Variants in CELSR1 observed in about 807,000 individuals in gnomAD.
CELSR1 encodes the protein adhesion G protein-coupled receptor C1.
A neutral mutation model predicts 249.1 loss-of-function variants in CELSR1; 110 were observed. That is an observed-to-expected ratio of 0.44 (90% CI 0.38 to 0.52). CELSR1 has a LOEUF of 0.52. Among genes scored for constraint, CELSR1 ranks in the 20% least tolerant of loss-of-function variants. The probability of loss-of-function intolerance (pLI) is 0.00; values close to 1 mark genes in which losing one functional copy is unlikely to be tolerated. For missense variants in CELSR1, 4,109 were observed against 4,296.4 expected (o/e 0.96, Z 1.22); for synonymous variants, 2,113 against 1,900.0 (o/e 1.11, Z -2.92).
chr22:46,364,296 C>CG (rs1569100805), intron 33 of CELSR1, 45 bp from the exon 34 acceptor site: 1 of 1,591,716 alleles, frequency 6.3e-7, no homozygotes, highest in African/African-American at 1.4e-5. Context: ...GTGATGCTGC[C>CG]GGGGGCAGCT....
In CELSR1 at chr22:46,391,166, C is replaced by T. The variant is rs747755875; in HGVS notation, c.6250+20G>A. On this transcript the variant is annotated intron_variant, in intron 16 of 34. Coordinates refer to ENST00000674500, the MANE Select transcript of CELSR1 (RefSeq NM_001378328.1). This position sits in a 1 kb window ranked among gnomAD's most constrained non-coding sequence, Gnocchi z 4.3. ...AGGACGCCTGCCTCAGTTCCCTACACACAGGCCACGGCGACTCACCAACGG... is the reference window on the plus strand; with the variant it reads ...AGGACGCCTGCCTCAGTTCCCTACATACAGGCCACGGCGACTCACCAACGG... 4 of 1,602,730 alleles carry T rather than the reference C, an allele frequency of 2.5e-6. No homozygotes were observed. In the South Asian group the frequency reaches 3.3e-5, roughly 13 times the overall value.
In CELSR1 at chr22:46,398,751, G is replaced by A. The variant is rs375866145; in HGVS notation, c.5413-114C>T. The stretch of plus-strand genomic sequence containing the variant: ...AACAGTCACTTCAACAAACTCCGCA[G>A]AGCCTGAGGACATCTGGGCCTCCAA... On this transcript the variant is annotated intron_variant, in intron 10 of 34. Coordinates refer to ENST00000674500, the MANE Select transcript of CELSR1 (RefSeq NM_001378328.1). This position sits in a 1 kb window ranked among gnomAD's most constrained non-coding sequence, Gnocchi z 7.2. 5.3e-5 allele frequency: 40 copies of A among 755,992 alleles called. No individual in the cohort carries two copies. Among genetic ancestry groups the A allele is most frequent in the East Asian group, 2.9e-4 (10 of 34,054 alleles). 46.8% of individuals were successfully genotyped at this position (755,992 alleles called of 1,614,324 possible). A position where few individuals can be genotyped will look rare whatever the true frequency, so the allele number is the denominator to read the frequency against.
chr22:46,520,106 T>G (rs1246900482), intron 1 of CELSR1, among the ~76,000 whole-genome samples: 1 of 152,026 alleles, frequency 6.6e-6, no homozygotes, highest in Non-Finnish European at 1.5e-5. Context: ...ACTCCTGACC[T>G]CAGGTGATCC....
In CELSR1 at chr22:46,490,482, T is replaced by G. The variant is rs1380598709; in HGVS notation, c.3545-26137A>C. ...TTGTATTTTTAGTAGAGACGGGGTT[T>G]CACCATGTTGGTCAGGCTGGTCTCG... On this transcript the variant is annotated intron_variant, in intron 1 of 34. Coordinates refer to ENST00000674500, the MANE Select transcript of CELSR1 (RefSeq NM_001378328.1). The surrounding 1 kb of genome is among the most constrained non-coding windows in gnomAD (Gnocchi z 5.2). Among the ~76,000 whole-genome samples the G allele has an allele frequency of 6.6e-6, 1 of 152,056 alleles. No homozygotes were observed. The highest frequency in any genetic ancestry group is 1.5e-5 in the Non-Finnish European group (1 of 68,010).
chr22:46,471,590 C>T lies in CELSR1; in HGVS notation c.3545-7245G>A, dbSNP rs1207420399. Reference sequence around the variant, plus strand: ...TTCTTGTTTTTTGTAGAGGTGAGGCCGTGCGATGTTGCCCAGGCTGGTCTC... The same window carrying T: ...TTCTTGTTTTTTGTAGAGGTGAGGCTGTGCGATGTTGCCCAGGCTGGTCTC... On this transcript the variant is annotated intron_variant, in intron 1 of 34. Coordinates refer to ENST00000674500, the MANE Select transcript of CELSR1 (RefSeq NM_001378328.1). This position sits in a 1 kb window ranked among gnomAD's most constrained non-coding sequence, Gnocchi z 4.9. Among the ~76,000 whole-genome samples the T allele has an allele frequency of 6.6e-6, 1 of 152,048 alleles. No individual in the cohort carries two copies. Among genetic ancestry groups the T allele is most frequent in the African/African-American group, 2.4e-5 (1 of 41,396 alleles).
chr22:46,460,919 C>G (rs1488441735), intron 2 of CELSR1, among the ~76,000 whole-genome samples: 1 of 152,184 alleles, frequency 6.6e-6, no homozygotes, highest in East Asian at 1.9e-4. Context: ...TTGAGCTTTT[C>G]CTGAAATTAA....
intron 2 of CELSR1, 58 bp downstream of exon 2, chr22:46,463,649 C>T (rs1016213608): frequency 6.9e-7 from 1 of 1,446,308 alleles, no homozygotes; most frequent in Non-Finnish European, 9.1e-7. Context: ...CACCTGAGAC[C>T]CTCGGCCATG....
At position 46,363,361 on chromosome 22, in the gene CELSR1, C is replaced by G; in HGVS notation, c.9036-114G>C. The stretch of plus-strand genomic sequence containing the variant: ...GATCACCCCATCAGGGTAGAGGGGG[C>G]GTCTGGGGGCTCCAGGGAGGGCAAG... On this transcript the variant is annotated intron_variant, in intron 34 of 34. Coordinates refer to ENST00000674500, the MANE Select transcript of CELSR1 (RefSeq NM_001378328.1). This position sits in a 1 kb window ranked among gnomAD's most constrained non-coding sequence, Gnocchi z 4.3. 1.9e-5 allele frequency: 15 copies of G among 797,312 alleles called. No individual in the cohort carries two copies. Among genetic ancestry groups the G allele is most frequent in the South Asian group, 7.6e-5 (4 of 52,334 alleles). The allele number at this position is 797,312 out of a possible 1,614,324, so 49.4% of individuals were successfully genotyped here. A position where few individuals can be genotyped will look rare whatever the true frequency, so the allele number is the denominator to read the frequency against.
intron 5 of CELSR1, among the ~76,000 whole-genome samples, chr22:46,415,240 C>A (rs2079386310): frequency 1.3e-5 from 2 of 152,162 alleles, no homozygotes; most frequent in Admixed American, 1.3e-4. Context: ...ACCTCCGCCT[C>A]CCAGGTTCAA....
In CELSR1 at chr22:46,430,693, A is replaced by G. The variant is rs1000149670; in HGVS notation, c.4611+2700T>C. Among the ~76,000 whole-genome samples the G allele has an allele frequency of 6.6e-6, 1 of 152,126 alleles. No homozygotes were observed. Among genetic ancestry groups the G allele is most frequent in the Admixed American group, 6.6e-5 (1 of 15,266 alleles). ...TTGGAGACAAAGTGGAGGCCCAGAG[A>G]GCAGAGGAACCAGCCCCCAGAAGAT... On this transcript the variant is annotated intron_variant, in intron 5 of 34. Coordinates refer to ENST00000674500, the MANE Select transcript of CELSR1 (RefSeq NM_001378328.1). The surrounding 1 kb of genome is among the most constrained non-coding windows in gnomAD (Gnocchi z 4.6).
At chr22:46,502,615 G>T (rs1460758739) in intron 1 of CELSR1, among the ~76,000 whole-genome samples, 2 of 152,130 alleles carry the variant, frequency 1.3e-5, no homozygotes, top group African/African-American at 4.8e-5. Flanking sequence ...AAGCCCCAGT[G>T]GCATGGCCAA....
chr22:46,503,367 T>G (rs1033376001), intron 1 of CELSR1, among the ~76,000 whole-genome samples: 1 of 152,218 alleles, frequency 6.6e-6, no homozygotes, highest in Admixed American at 6.5e-5. Flanking sequence ...GAGCCACACC[T>G]GTACTTCCTT....
intron 9 of CELSR1, among the ~76,000 whole-genome samples, chr22:46,403,562 C>A (rs546541177): frequency 4.0e-5 from 6 of 150,108 alleles, no homozygotes; most frequent in East Asian, 2.0e-4. Flanking sequence ...GTCACACACA[C>A]AAAAAAAACA....
At position 46,394,163 on chromosome 22, in the gene CELSR1, G is replaced by C. The variant is rs764761059; in HGVS notation, c.5943C>G (p.Thr1981=). The change falls in exon 14 of 35, where the codon ACC becomes ACG. Residue 1981 remains threonine, a synonymous_variant. Coordinates refer to ENST00000674500, the MANE Select transcript of CELSR1 (RefSeq NM_001378328.1). The stretch of plus-strand genomic sequence containing the variant: ...TCACCTTGCATTGGCACTGGCCGTT[G>C]GTCTTATTACAGTCGGGATCAAAGC... The part of the protein sequence containing the change: ...SKGFDPDCNK[T]NGQCQCKENY... The C allele has an allele frequency of 6.2e-7, 1 of 1,614,024 alleles. No homozygotes were observed. The highest frequency in any genetic ancestry group is 1.7e-5 in the Admixed American group (1 of 60,018).
At chr22:46,453,262 G>C (rs1052070402) in intron 2 of CELSR1, among the ~76,000 whole-genome samples, 1 of 152,162 alleles carries the variant, frequency 6.6e-6, no homozygotes, top group African/African-American at 2.4e-5. Context: ...TGCCAACTAC[G>C]AACAGCAGCA....
Position 46,380,085 on chromosome 22 carries a change from G to A in CELSR1, c.7256+703C>T, listed in dbSNP as rs113315824. Among the ~76,000 whole-genome samples the A allele has an allele frequency of 0.058, 8,770 of 152,242 alleles. 843 individuals carry two copies. Among genetic ancestry groups the A allele is most frequent in the African/African-American group, 0.2 (8,240 of 41,508 alleles). ...CAAAACCAAAGCACAAACACTACTG[G>A]CTCCCAGCAGACGGGAGCCACACTG... is the stretch of plus-strand genomic sequence containing the variant. On this transcript the variant is annotated intron_variant, in intron 22 of 34. Transcript: ENST00000674500. The surrounding 1 kb of genome is among the most constrained non-coding windows in gnomAD (Gnocchi z 5.1).
In CELSR1 at chr22:46,417,016, C is replaced by T; in HGVS notation, c.4612-5257G>A. Among the ~76,000 whole-genome samples the T allele has an allele frequency of 6.6e-6, 1 of 152,110 alleles. No individual in the cohort carries two copies. The highest frequency in any genetic ancestry group is 1.9e-4 in the East Asian group (1 of 5,190). On this transcript the variant is annotated intron_variant, in intron 5 of 34. Coordinates refer to ENST00000674500, the MANE Select transcript of CELSR1 (RefSeq NM_001378328.1). This position sits in a 1 kb window ranked among gnomAD's most constrained non-coding sequence, Gnocchi z 4.1. ...GCACGTCTTAGGAAATGAATGAATT[C>T]ATGCTCTGTGTCAGAAATGATTAAC...
Position 46,444,393 on chromosome 22 carries a change from C to T in CELSR1, c.4184-4982G>A, listed in dbSNP as rs10470293. 4.9e-3 allele frequency among the ~76,000 whole-genome samples: 742 copies of T among 152,070 alleles called. 5 individuals are homozygous for T. Among genetic ancestry groups the T allele is most frequent in the Middle Eastern group, 0.02 (6 of 294 alleles). ...GCTGCCCCGTGAAAGGGAGGCTGAC[C>T]GATATAAGCTTGTCCTGCCCCCGAG... On this transcript the variant is annotated intron_variant, in intron 2 of 34. Coordinates refer to ENST00000674500, the MANE Select transcript of CELSR1 (RefSeq NM_001378328.1).
intron 24 of CELSR1, among the ~76,000 whole-genome samples, chr22:46,376,531 C>T (rs561329433): frequency 6.6e-6 from 1 of 152,238 alleles, no homozygotes; most frequent in East Asian, 1.9e-4. Context: ...CCCGGCACCA[C>T]GCCCAGCTAA....
Sources: gnomAD v4.1 joint callset for allele counts (sites outside exome capture counted in the v4.1 genomes callset) on GRCh38, gnomAD v4.1.1 for gene constraint, Gnocchi (gnomAD v3.1) non-coding constraint, MANE v1.5 for transcripts, NCBI Gene and HGNC (gene_info 2026-07-23, HGNC 2026-07-21) for gene names.